The following DISP1 variants were observed in gnomAD, a reference collection of about 807,000 sequenced individuals.
DISP1 encodes dispatched RND transporter family member 1.
A neutral mutation model predicts 37.3 loss-of-function variants in DISP1; 30 were observed. The ratio of observed to expected loss-of-function variants is 0.80; its 90% confidence interval spans 0.60 to 1.09. The LOEUF is 1.09. Among genes scored for constraint, DISP1 ranks in the 50% least tolerant of loss-of-function variants. The pLI, the probability that DISP1 is intolerant of heterozygous loss-of-function variation, is 0.00. For missense variants in DISP1, 1,598 were observed against 1,879.5 expected (o/e 0.85, Z 2.77); for synonymous variants, 634 against 690.2 (o/e 0.92, Z 1.28).
At chr1:222,890,653 G>A (rs902421903) in intron 1 of DISP1, among the ~76,000 whole-genome samples, 1 of 152,108 alleles carries the variant, frequency 6.6e-6, no homozygotes, top group Non-Finnish European at 1.5e-5. Context: ...TAACAAGTAT[G>A]ACAAACTGGG....
intron 1 of DISP1, among the ~76,000 whole-genome samples, chr1:222,927,519 T>C (rs1418458530): frequency 6.6e-6 from 1 of 152,200 alleles, no homozygotes; most frequent in African/African-American, 2.4e-5. Flanking sequence ...TGATAATGTC[T>C]TTTGATCTTC....
At chr1:222,896,660 G>A (rs1420336934) in intron 1 of DISP1, among the ~76,000 whole-genome samples, 1 of 151,588 alleles carries the variant, frequency 6.6e-6, no homozygotes, top group African/African-American at 2.4e-5. Flanking sequence ...GAAAATATTT[G>A]TAATACAATG....
At chr1:222,950,423 A>G (rs1187609246) in intron 3 of DISP1, among the ~76,000 whole-genome samples, 1 of 152,056 alleles carries the variant, frequency 6.6e-6, no homozygotes, top group Non-Finnish European at 1.5e-5. Context: ...ACACAGTGAA[A>G]CCCCTTCTCT....
In DISP1 at chr1:223,002,966, G is replaced by A; in HGVS notation, c.1569G>A (p.Lys523=). The change falls in exon 9 of 9, where the codon AAG becomes AAA. Residue 523 remains lysine (K), a synonymous_variant. Transcript: ENST00000675850. ...TTTTAGTTATGTGTGTCTACACCAA[G>A]TCCATGTTTATCACTCTGATGACAA... ...IVLLVMCVYT[K]SMFITLMTMF... 6.2e-7 allele frequency: 1 copy of A among 1,613,876 alleles called. No individual in the cohort carries two copies. Among genetic ancestry groups the A allele is most frequent in the Non-Finnish European group, 8.5e-7 (1 of 1,180,016 alleles).
In DISP1 at chr1:222,905,372, T is replaced by G. The variant is rs115062579; in HGVS notation, c.-158-23058T>G. Among the ~76,000 whole-genome samples the G allele has an allele frequency of 1.4e-4, 21 of 152,276 alleles. 1 individual carries two copies. The highest frequency in any genetic ancestry group is 5.1e-4 in the African/African-American group (21 of 41,572). On this transcript the variant is annotated intron_variant, in intron 1 of 8. Coordinates refer to ENST00000675850, the MANE Select transcript of DISP1 (RefSeq NM_001377229.1). ...ATTACAGAGCACATTTGCAGAATCATGTAATGAGCCTCATTTTCAAACAAC... is the reference window on the plus strand; with the variant it reads ...ATTACAGAGCACATTTGCAGAATCAGGTAATGAGCCTCATTTTCAAACAAC...
chr1:222,836,919 A>G (rs1036032206), intron 1 of DISP1: 8 of 395,770 alleles, frequency 2.0e-5, no homozygotes, highest in Non-Finnish European at 3.1e-5. Flanking sequence ...CTTATCTTTA[A>G]TAGGGATTAT....
intron 3 of DISP1, among the ~76,000 whole-genome samples, chr1:222,974,336 A>G (rs1186129439): frequency 6.6e-6 from 1 of 152,216 alleles, no homozygotes; most frequent in Non-Finnish European, 1.5e-5. Flanking sequence ...CATTCAACTA[A>G]TAAGTTTCAG....
Position 223,003,569 on chromosome 1 carries a change from G to T in DISP1, c.2172G>T (p.Trp724Cys), listed in dbSNP as rs376932856. The T allele has an allele frequency of 9.3e-6, 15 of 1,614,056 alleles. No homozygotes were observed. The highest frequency in any genetic ancestry group is 1.3e-5 in the African/African-American group (1 of 74,920). The change falls in exon 9 of 9, where the codon TGG becomes TGT. Residue 724 changes from tryptophan to cysteine, a missense_variant. Transcript: ENST00000675850. The surrounding 1 kb of genome is among the most constrained non-coding windows in gnomAD (Gnocchi z 4.3). ...AGTTTCGCTACCTTTGGCTGTTTTGGTTCCTTGCCTTAACTGTAGGTGGGG... is the reference window on the plus strand; with the variant it reads ...AGTTTCGCTACCTTTGGCTGTTTTGTTTCCTTGCCTTAACTGTAGGTGGGG... ...VIKFRYLWLF[W>C]FLALTVGGAY...
intron 1 of DISP1, among the ~76,000 whole-genome samples, chr1:222,922,628 G>T (rs943614110): frequency 6.6e-6 from 1 of 152,104 alleles, no homozygotes. Flanking sequence ...AGGATGATAA[G>T]ATCATTTGTA....
chr1:223,005,204 G>C lies in DISP1; in HGVS notation c.3807G>C (p.Gln1269His). 3 of 1,614,126 alleles carry C rather than the reference G, an allele frequency of 1.9e-6. No homozygotes were observed. Among genetic ancestry groups the C allele is most frequent in the Non-Finnish European group, 8.5e-7 (1 of 1,180,018 alleles). Residue 1269 changes from glutamine to histidine, a missense_variant, in exon 9 of 9, where the codon CAG becomes CAC. By Grantham distance (24) the Gln-to-His change is conservative. Coordinates refer to ENST00000675850, the MANE Select transcript of DISP1 (RefSeq NM_001377229.1). ...HTVCHFFSLN[Q>H]RCSCPDAYKH... is the part of the protein sequence containing the mutation. Reference sequence around the variant, plus strand: ...TGTGTCACTTCTTCTCTCTGAATCAGAGATGTAGCTGCCCAGATGCCTACA... The same window carrying C: ...TGTGTCACTTCTTCTCTCTGAATCACAGATGTAGCTGCCCAGATGCCTACA...
chr1:222,930,378 A>G (rs1034925061), intron 2 of DISP1, among the ~76,000 whole-genome samples: 3 of 152,148 alleles, frequency 2.0e-5, no homozygotes, highest in African/African-American at 7.2e-5. Context: ...GGATCAAGAC[A>G]TATGAGCTCC....
intron 3 of DISP1, among the ~76,000 whole-genome samples, chr1:222,968,099 A>G (rs982895634): frequency 1.3e-5 from 2 of 152,216 alleles, no homozygotes; most frequent in East Asian, 3.8e-4. Context: ...AGACACATCA[A>G]TGGATACACT....
In DISP1 at chr1:222,991,430, T is replaced by A. The variant is rs886811892; in HGVS notation, c.664-90T>A. ...TATATTTTCTGTTGAAAGCTATATA[T>A]CACTTTGACATTGCTTTCCCAAGCT... On this transcript the variant is annotated intron_variant, in intron 5 of 8. Transcript: ENST00000675850. 18 of 1,507,136 alleles carry A rather than the reference T, an allele frequency of 1.2e-5. No individual in the cohort carries two copies. The Admixed American group carries it at 2.8e-4, about 24-fold the overall frequency. The allele number at this position is 1,507,136 out of a possible 1,614,324, so 93.4% of individuals were successfully genotyped here.
chr1:222,894,789 G>GC (rs1671154229), intron 1 of DISP1, among the ~76,000 whole-genome samples: 1 of 152,222 alleles, frequency 6.6e-6, no homozygotes, highest in Admixed American at 6.5e-5. Flanking sequence ...TGCCTCCCCT[G>GC]CTACAGCCGG....
intron 4 of DISP1, among the ~76,000 whole-genome samples, chr1:222,987,777 G>A (rs1017757853): frequency 2.6e-5 from 4 of 152,274 alleles, no homozygotes; most frequent in East Asian, 3.9e-4. Context: ...ATTCATTTGA[G>A]AGAAAATGAA....
intron 3 of DISP1, among the ~76,000 whole-genome samples, chr1:222,948,804 TTTA>T (rs1674980924): frequency 1.3e-5 from 2 of 152,204 alleles, no homozygotes; most frequent in Non-Finnish European, 2.9e-5. Context: ...GCTATCAATT[TTTA>T]TTGTTATTTG....
intron 1 of DISP1, among the ~76,000 whole-genome samples, chr1:222,830,349 C>G (rs78653636): frequency 0.19 from 28,780 of 151,642 alleles, 2,851 homozygotes; most frequent in East Asian, 0.26. Flanking sequence ...ATCTTTCTTT[C>G]CTGACTTCTT....
intron 3 of DISP1, among the ~76,000 whole-genome samples, chr1:222,956,312 A>G (rs1260678283): frequency 2.0e-5 from 3 of 152,346 alleles, no homozygotes; most frequent in East Asian, 3.9e-4. Flanking sequence ...AGCCCTGGAC[A>G]GGAAGGAACA....
At chr1:222,947,115 C>T (rs1674847720) in intron 3 of DISP1, among the ~76,000 whole-genome samples, 1 of 152,084 alleles carries the variant, frequency 6.6e-6, no homozygotes, top group Non-Finnish European at 1.5e-5. Flanking sequence ...ATCACTACTA[C>T]CTTTGTCCAG....
Sources: allele counts gnomAD v4.1 joint callset (sites outside exome capture counted in the v4.1 genomes callset), GRCh38; gene constraint gnomAD v4.1.1; non-coding constraint Gnocchi (gnomAD v3.1); transcripts MANE v1.5; gene names NCBI Gene and HGNC (gene_info 2026-07-23, HGNC 2026-07-21).